CYP27A1: variants seen among roughly 807,000 people sequenced by gnomAD.
The protein encoded by CYP27A1 is cytochrome P450 family 27 subfamily A member 1.
In CYP27A1, 46 loss-of-function variants were observed where a neutral mutation model predicts 58.2. That is an observed-to-expected ratio of 0.79 (90% CI 0.62 to 1.01). CYP27A1 has a LOEUF of 1.01. Ranked by LOEUF, CYP27A1 falls within the 50% of genes least tolerant of loss-of-function variation. CYP27A1 has a pLI of 0.00. For synonymous variants in CYP27A1, 274 were observed against 285.1 expected (o/e 0.96, Z 0.39); for missense variants, 704 against 687.0 (o/e 1.02, Z -0.28).
At chr2:218,789,650 C>T (rs1021494570) in intron 1 of CYP27A1, among the ~76,000 whole-genome samples, 3 of 152,196 alleles carry the variant, frequency 2.0e-5, no homozygotes, top group South Asian at 2.1e-4. Context: ...TGCTGAGAAA[C>T]CTTTAGGCCA....
chr2:218,800,441 T>C (rs1457044963), intron 1 of CYP27A1, among the ~76,000 whole-genome samples: 1 of 152,060 alleles, frequency 6.6e-6, no homozygotes, highest in Non-Finnish European at 1.5e-5. Flanking sequence ...AATAAACAAA[T>C]AAATAAAAAC....
In CYP27A1 at chr2:218,813,068, C is replaced by G. The variant is rs1444914645; in HGVS notation, c.989C>G (p.Pro330Arg). Residue 330 changes from proline (P) to arginine (R), a missense_variant, in exon 5 of 9, where the codon CCT becomes CGT. Coordinates refer to ENST00000258415, the MANE Select transcript of CYP27A1 (RefSeq NM_000784.4). ...CCTCGGGAGGCCATGGGCAGCCTGC[C>G]TGAGCTGCTCATGGCTGGAGTGGAC... is the stretch of plus-strand genomic sequence containing the variant. ...LSPREAMGSL[P>R]ELLMAGVDTT... 2 of 1,613,540 alleles carry G rather than the reference C, an allele frequency of 1.2e-6. No individual in the cohort carries two copies.
chr2:218,796,240 T>C (rs1943546826), intron 1 of CYP27A1, among the ~76,000 whole-genome samples: 2 of 152,182 alleles, frequency 1.3e-5, no homozygotes, highest in African/African-American at 4.8e-5. Context: ...AATTGCATCC[T>C]GTTGCAAAAG....
At chr2:218,809,850 A>G in intron 2 of CYP27A1, 83 bp downstream of exon 2, 1 of 1,316,098 alleles carries the variant, frequency 7.6e-7, no homozygotes. Flanking sequence ...GCAGGTGGAT[A>G]ACCGGCAGAA....
At chr2:218,785,165 T>C (rs1380772713) in intron 1 of CYP27A1, among the ~76,000 whole-genome samples, 1 of 152,180 alleles carries the variant, frequency 6.6e-6, no homozygotes, top group Non-Finnish European at 1.5e-5. Flanking sequence ...CATTAGATTC[T>C]CTTAAGGAGT....
chr2:218,802,331 TA>T (rs10630236), intron 1 of CYP27A1, among the ~76,000 whole-genome samples: 32 of 147,156 alleles, frequency 2.2e-4, no homozygotes, highest in East Asian at 6.0e-4. Context: ...AAAAGAAAAT[TA>T]AAAAAAAAAA....
intron 1 of CYP27A1, among the ~76,000 whole-genome samples, chr2:218,796,641 A>G (rs1434934304): frequency 3.3e-5 from 5 of 152,160 alleles, no homozygotes; most frequent in Non-Finnish European, 7.4e-5. Flanking sequence ...ATAGTTTCCA[A>G]ATTCTAGAGG....
At position 218,782,333 on chromosome 2, in the gene CYP27A1, C is replaced by T. The variant is rs570721628; in HGVS notation, c.151C>T (p.Arg51Trp). The T allele has an allele frequency of 1.1e-5, 17 of 1,613,402 alleles. No individual in the cohort carries two copies. In the African/African-American group the frequency reaches 1.5e-4, roughly 14 times the overall value. ...AGCTCCCGGAGCCGGGCCTGGTGTCCGGCGGCGGCAACGGAGCTTAGAGGA... is the reference window on the plus strand; with the variant it reads ...AGCTCCCGGAGCCGGGCCTGGTGTCTGGCGGCGGCAACGGAGCTTAGAGGA... ...TGAPGAGPGV[R>W]RRQRSLEEIP... Residue 51 changes from arginine (R) to tryptophan (W), a missense_variant, in exon 1 of 9, where the codon CGG becomes TGG. Arg to Trp is a moderately radical substitution (Grantham distance 101). Coordinates refer to ENST00000258415, the MANE Select transcript of CYP27A1 (RefSeq NM_000784.4). This position sits in a 1 kb window ranked among gnomAD's most constrained non-coding sequence, Gnocchi z 4.1.
At chr2:218,808,449 C>A (rs1017008212) in intron 1 of CYP27A1, among the ~76,000 whole-genome samples, 4 of 152,116 alleles carry the variant, frequency 2.6e-5, no homozygotes, top group Non-Finnish European at 5.9e-5. Context: ...TTGGATTGGT[C>A]CTAGGAGAAT....
intron 1 of CYP27A1, among the ~76,000 whole-genome samples, chr2:218,788,097 T>C (rs1274415737): frequency 6.6e-6 from 1 of 152,258 alleles, no homozygotes; most frequent in Non-Finnish European, 1.5e-5. Flanking sequence ...ATGGAGAGGA[T>C]TGCTCAAGTG....
chr2:218,801,786 T>G (rs13033409), intron 1 of CYP27A1, among the ~76,000 whole-genome samples: 71,589 of 151,702 alleles, frequency 0.47, 17,371 homozygotes, highest in Non-Finnish European at 0.51. Flanking sequence ...GAATTGTGTA[T>G]TCATACATAT....
chr2:218,812,978 C>T lies in CYP27A1; in HGVS notation c.899C>T (p.Ala300Val). 1 of 1,614,208 alleles carries T rather than the reference C, an allele frequency of 6.2e-7. No homozygotes were observed. Among genetic ancestry groups the T allele is most frequent in the Non-Finnish European group, 8.5e-7 (1 of 1,179,996 alleles). The stretch of plus-strand genomic sequence containing the variant: ...GATATGGAGGCCCAACTGCAGGCAG[C>T]AGGGCCAGATGGCATCCAGGTGTCT... Reference protein sequence around the residue: ...LEDMEAQLQAAGPDGIQVSGY... With the variant: ...LEDMEAQLQAVGPDGIQVSGY... The change falls in exon 5 of 9, where the codon GCA (alanine) becomes GTA (valine). Residue 300 changes from alanine (A) to valine (V), a missense_variant. Ala to Val is a moderately conservative substitution (Grantham distance 64). Coordinates refer to ENST00000258415, the MANE Select transcript of CYP27A1 (RefSeq NM_000784.4).
intron 1 of CYP27A1, among the ~76,000 whole-genome samples, chr2:218,807,572 G>C (rs1943664403): frequency 6.6e-6 from 1 of 152,046 alleles, no homozygotes; most frequent in Admixed American, 6.6e-5. Context: ...ACACTAAGCA[G>C]TCTGACCCCC....
rs570095644 is a variant in CYP27A1, at chr2:218,804,791, G to C, written c.256-4786G>C. ...GTATTCCTAGGTATTTTATCTTTTG[G>C]ATACTATCATTAGTCTGTTTGGGCT... On this transcript the variant is annotated intron_variant, in intron 1 of 8. Transcript: ENST00000258415. Among the ~76,000 whole-genome samples the C allele has an allele frequency of 3.6e-4, 55 of 152,258 alleles. No homozygotes were observed. The South Asian group carries it at 8.9e-3, about 25-fold the overall frequency.
intron 1 of CYP27A1, among the ~76,000 whole-genome samples, chr2:218,797,113 G>T (rs1943554866): frequency 6.6e-6 from 1 of 151,522 alleles, no homozygotes; most frequent in Non-Finnish European, 1.5e-5. Context: ...ATTTTTTTTT[G>T]AGATGGAGTT....
At chr2:218,796,222 GT>G (rs1347449557) in intron 1 of CYP27A1, among the ~76,000 whole-genome samples, 5 of 152,280 alleles carry the variant, frequency 3.3e-5, no homozygotes, top group African/African-American at 1.2e-4. Flanking sequence ...TAAAACAACA[GT>G]TTCTCCAATT....
Position 218,812,316 on chromosome 2 carries a change from G to A in CYP27A1, c.541G>A (p.Val181Met). Reference protein sequence around the residue: ...AALYTDAFNEVIDDFMTRLDQ... With the variant: ...AALYTDAFNEMIDDFMTRLDQ... Reference sequence around the variant, plus strand: ...GCTCTATACGGATGCTTTCAATGAGGTGATTGATGACTTTATGACTCGACT... The same window carrying A: ...GCTCTATACGGATGCTTTCAATGAGATGATTGATGACTTTATGACTCGACT... Residue 181 changes from valine (V) to methionine (M), a missense_variant, in exon 3 of 9, where the codon GTG (valine) becomes ATG (methionine). Transcript: ENST00000258415. 1 of 1,614,234 alleles carries A rather than the reference G, an allele frequency of 6.2e-7. No individual in the cohort carries two copies. Among genetic ancestry groups the A allele is most frequent in the South Asian group, 1.1e-5 (1 of 91,090 alleles).
chr2:218,812,195 T>C (rs1250694337), intron 2 of CYP27A1, 27 bp from the exon 3 acceptor site: 2 of 1,595,554 alleles, frequency 1.3e-6, no homozygotes, highest in Non-Finnish European at 1.7e-6. Context: ...AGGCTTATCT[T>C]TGTGCTGTTC....
At chr2:218,793,131 G>A (rs2105972819) in intron 1 of CYP27A1, among the ~76,000 whole-genome samples, 1 of 152,234 alleles carries the variant, frequency 6.6e-6, no homozygotes, top group East Asian at 1.9e-4. Context: ...GCTGGAGTGT[G>A]ATGGCACCAT....
Sources: gnomAD v4.1 joint callset for allele counts (sites outside exome capture counted in the v4.1 genomes callset) on GRCh38, gnomAD v4.1.1 for gene constraint, Gnocchi (gnomAD v3.1) non-coding constraint, MANE v1.5 for transcripts, NCBI Gene and HGNC (gene_info 2026-07-23, HGNC 2026-07-21) for gene names.